Variants in CFAP47 observed in about 807,000 individuals in gnomAD.
CFAP47 encodes the protein cilia and flagella associated protein 47, also known as cilia- and flagella-associated protein 47.
CFAP47 carries 29 observed loss-of-function variants against 148.1 expected under a neutral mutation model. The ratio of observed to expected loss-of-function variants is 0.20; its 90% CI spans 0.15 to 0.27. The LOEUF (loss-of-function observed/expected upper bound fraction) is 0.27, where lower values mean the gene tolerates loss of function less well. Ranked by LOEUF, CFAP47 falls within the 10% of genes least tolerant of loss-of-function variation. The pLI is 1.00. For missense variants in CFAP47, 1,872 were observed against 1,697.5 expected (o/e 1.10, Z -1.81); for synonymous variants, 664 against 577.3 (o/e 1.15, Z -2.15).
chrX:36,335,155 C>G, intron 57 of CFAP47, among the ~76,000 whole-genome samples: 1 of 111,092 alleles, frequency 9.0e-6, no homozygotes, highest in Admixed American at 9.6e-5. Context: ...ATAACTCTCT[C>G]TCTCCAAAAT....
rs759336784 is a variant in CFAP47, at chrX:36,111,189, A to G, written c.5320+6498A>G. ...CATACTTCATCTGTGCTGGTTTTCA[A>G]AAGGAATGCTTCCACCTTTGCCCAT... On this transcript the variant is annotated intron_variant, in intron 33 of 63. Transcript: ENST00000378653. 1.5e-4 allele frequency among the ~76,000 whole-genome samples: 17 copies of G among 111,686 alleles called. No individual in the cohort carries two copies. In the East Asian group the frequency reaches 4.5e-3, roughly 30 times the overall value.
chrX:36,350,316 C>CT (rs1359826934), intron 59 of CFAP47, among the ~76,000 whole-genome samples, 184 bp downstream of exon 59: 5 of 111,810 alleles, frequency 4.5e-5, no homozygotes, highest in Non-Finnish European at 1.9e-5. Context: ...CAAAACCACA[C>CT]TATTTTTTGT....
intron 37 of CFAP47, among the ~76,000 whole-genome samples, chrX:36,154,372 A>G (rs1218959544): frequency 1.8e-5 from 2 of 111,988 alleles, no homozygotes; most frequent in Non-Finnish European, 3.8e-5. Context: ...TCACTTTTTA[A>G]CACGGGTTTT....
rs782090045 is a variant in CFAP47 at position 36,321,482 on chromosome X, G to A, written c.8443+2175G>A. Among the ~76,000 whole-genome samples, 5 of 111,387 alleles carry A rather than the reference G, an allele frequency of 4.5e-5. No individual in the cohort carries two copies. The South Asian group carries it at 1.9e-3, about 42-fold the overall frequency. On this transcript the variant is annotated intron_variant, in intron 57 of 63. Coordinates refer to ENST00000378653, the MANE Select transcript of CFAP47 (RefSeq NM_001304548.2). The stretch of plus-strand genomic sequence containing the variant: ...TTCATAACACAACAAAGTGACTATA[G>A]TAAAAAATAATTTAATTGTACATTT...
chrX:36,194,867 A>G (rs1939903467), intron 42 of CFAP47, among the ~76,000 whole-genome samples: 1 of 112,244 alleles, frequency 8.9e-6, no homozygotes, highest in Admixed American at 9.4e-5. Flanking sequence ...GGGTGGAGAC[A>G]CAGAGCCAAA....
intron 56 of CFAP47, among the ~76,000 whole-genome samples, chrX:36,318,272 G>A (rs1556011401): frequency 8.9e-6 from 1 of 112,287 alleles, no homozygotes; most frequent in African/African-American, 3.2e-5. Context: ...TTTAATGTAA[G>A]TAGAGCTTAT....
chrX:36,296,978 T>C (rs1355421444), intron 51 of CFAP47, among the ~76,000 whole-genome samples: 1 of 111,847 alleles, frequency 8.9e-6, no homozygotes, highest in African/African-American at 3.2e-5. Context: ...ATTATAAGCG[T>C]TGAATATTTT....
chrX:36,068,135 T>C (rs150860324), intron 27 of CFAP47, among the ~76,000 whole-genome samples: 88 of 112,092 alleles, frequency 7.9e-4, no homozygotes, highest in African/African-American at 2.6e-3. Flanking sequence ...GCAAGTTCTT[T>C]GAGCATCTTG....
intron 46 of CFAP47, among the ~76,000 whole-genome samples, chrX:36,235,683 A>C (rs1940452942): frequency 8.9e-6 from 1 of 112,209 alleles, no homozygotes; most frequent in South Asian, 3.7e-4. Flanking sequence ...CCTCAGATGG[A>C]AATGCAGAAA....
intron 48 of CFAP47, among the ~76,000 whole-genome samples, chrX:36,250,668 T>C (rs1390662526): frequency 1.8e-5 from 2 of 110,624 alleles, no homozygotes; most frequent in African/African-American, 6.5e-5. Flanking sequence ...AACATCATGT[T>C]GTACATTATA....
chrX:36,085,261 C>T, intron 29 of CFAP47, 53 bp from the exon 30 acceptor site: 3 of 753,816 alleles, frequency 4.0e-6, no homozygotes, highest in Non-Finnish European at 6.0e-6. Flanking sequence ...TTTTTTTTCC[C>T]CCATACTATA....
intron 62 of CFAP47, among the ~76,000 whole-genome samples, chrX:36,373,924 T>C (rs986361826): frequency 5.4e-5 from 6 of 111,988 alleles, no homozygotes; most frequent in Non-Finnish European, 1.1e-4. Context: ...CACTTGATTA[T>C]GGTGAAGAGC....
chrX:36,259,222 T>G (rs1940789415), intron 49 of CFAP47, among the ~76,000 whole-genome samples: 1 of 111,522 alleles, frequency 9.0e-6, no homozygotes, highest in African/African-American at 3.3e-5. Context: ...TTGCACAAAA[T>G]CGCTGTGTTT....
At chrX:36,332,644 A>G (rs1941574170) in intron 57 of CFAP47, among the ~76,000 whole-genome samples, 1 of 111,765 alleles carries the variant, frequency 8.9e-6, no homozygotes, top group Admixed American at 9.5e-5. Flanking sequence ...AGCACTGGGC[A>G]TATACTGGAA....
chrX:36,371,782 A>ATATGTGTGTATATACACACATGTGTG (rs1941956378), intron 62 of CFAP47, among the ~76,000 whole-genome samples: 1 of 52,250 alleles, frequency 1.9e-5, no homozygotes, highest in Non-Finnish European at 2.8e-5. Flanking sequence ...ACACATGTGT[A>ATATGTGTGTATATACACACATGTGTG]TATATGTGTG....
chrX:36,319,221 C>T lies in CFAP47; in HGVS notation c.8357C>T (p.Pro2786Leu), dbSNP rs781908471. Residue 2786 changes from proline to leucine, a missense_variant, in exon 57 of 64, where the codon CCC (proline) becomes CTC (leucine). Transcript: ENST00000378653. ...ATTTTTTAATTAGGTGTGGAACATC[C>T]CAGGAATCTTGTCATGGATCATTGC... is the stretch of plus-strand genomic sequence containing the variant. ...IDIILTSVEH[P>L]RNLVMDHCWD... 50 of 1,095,566 alleles carry T rather than the reference C, an allele frequency of 4.6e-5. No individual in the cohort carries two copies. The highest frequency in any genetic ancestry group is 5.8e-5 in the Non-Finnish European group (48 of 822,603). The allele number at this position is 1,095,566 out of a possible 1,213,427, so 90.3% of individuals were successfully genotyped here. A position where few individuals can be genotyped will look rare whatever the true frequency, so the allele number is the denominator to read the frequency against.
At chrX:36,199,271 TAC>T (rs1555987630) in intron 42 of CFAP47, among the ~76,000 whole-genome samples, 1 of 111,982 alleles carries the variant, frequency 8.9e-6, no homozygotes, top group Non-Finnish European at 1.9e-5. Context: ...CATCCCATAT[TAC>T]AGAGGAGGAA....
chrX:35,989,800 A>G, intron 16 of CFAP47: 1 of 237,034 alleles, frequency 4.2e-6, no homozygotes, highest in Non-Finnish European at 7.4e-6. Context: ...TTACATGTGT[A>G]CCAAATTTCC....
intron 45 of CFAP47, among the ~76,000 whole-genome samples, chrX:36,206,712 A>G (rs1046097186): frequency 8.9e-6 from 1 of 112,035 alleles, no homozygotes; most frequent in Non-Finnish European, 1.9e-5. Context: ...TCATATTTAA[A>G]TAGTTTTTAA....
Sources: allele counts gnomAD v4.1 joint callset (sites outside exome capture counted in the v4.1 genomes callset), GRCh38; gene constraint gnomAD v4.1.1; transcripts MANE v1.5; gene names NCBI Gene and HGNC (gene_info 2026-07-23, HGNC 2026-07-21).